The following CORO2A variants were observed in gnomAD, a reference collection of about 807,000 sequenced individuals.
CORO2A encodes coronin-2A.
Under a neutral mutation model 62.4 loss-of-function variants are expected in CORO2A, and 47 were observed. That is an observed-to-expected ratio of 0.75 (90% CI 0.60 to 0.96). The LOEUF (loss-of-function observed/expected upper bound fraction) is 0.96, where lower values mean the gene tolerates loss of function less well. Ranked by LOEUF, CORO2A falls within the 40% of genes least tolerant of loss-of-function variation. CORO2A has a pLI of 0.00. For missense variants in CORO2A, 610 were observed against 684.1 expected, an observed-to-expected ratio of 0.89 and a Z score of 1.21; for synonymous variants, 273 against 268.9, an observed-to-expected ratio of 1.02 and a Z score of -0.15.
chr9:98,141,083 A>G (rs1827558651), intron 2 of CORO2A, among the ~76,000 whole-genome samples: 3 of 152,178 alleles, frequency 2.0e-5, no homozygotes, highest in Non-Finnish European at 2.9e-5. Context: ...AAAACAAAAA[A>G]TTATACACAC....
Position 98,157,545 on chromosome 9 carries a change from T to A in CORO2A, c.116A>T (p.His39Leu), listed in dbSNP as rs1827821259. Residue 39 changes from histidine to leucine, a missense_variant, in exon 2 of 12, where the codon CAC becomes CTC. His to Leu is a moderately conservative substitution (Grantham distance 99). Coordinates refer to ENST00000375077, the MANE Select transcript of CORO2A (RefSeq NM_052820.4). ...VPITRSVHDN[H>L]FCAVNPHFIA... ...GAAGTGGGGGTTCACGGCACAGAAG[T>A]GGTTGTCGTGAACGCTGCGGGTGAT... 2 of 1,613,938 alleles carry A rather than the reference T, an allele frequency of 1.2e-6. No homozygotes were observed. Among genetic ancestry groups the A allele is most frequent in the Non-Finnish European group, 8.5e-7 (1 of 1,180,028 alleles).
chr9:98,126,549 C>T lies in CORO2A; in HGVS notation c.1446G>A (p.Glu482=). The T allele has an allele frequency of 1.2e-6, 2 of 1,612,956 alleles. No homozygotes were observed. The highest frequency in any genetic ancestry group is 1.7e-6 in the Non-Finnish European group (2 of 1,179,032). Residue 482 remains glutamate (E), a splice_region_variant and synonymous_variant, in exon 11 of 12, where the codon GAG becomes GAA. Transcript: ENST00000375077. ...AGGCCCACCCCGTCCTCCTTCACAC[C>T]TCATTCTCTGTCTTTGGTGGGGGGC... The part of the protein sequence containing the change: ...FECPPPKTEN[E]LLQMFYRQQE...
intron 1 of CORO2A, among the ~76,000 whole-genome samples, chr9:98,191,763 C>A (rs1828308157): frequency 6.6e-6 from 1 of 152,200 alleles, no homozygotes; most frequent in East Asian, 1.9e-4. Context: ...GGCACTGTCA[C>A]CCCTCTGAGG....
intron 3 of CORO2A, among the ~76,000 whole-genome samples, chr9:98,135,991 G>A (rs1483135643): frequency 1.3e-5 from 2 of 152,148 alleles, no homozygotes; most frequent in South Asian, 4.1e-4. Context: ...AGGAGCAACC[G>A]TGCCCTCCAG....
chr9:98,141,646 G>A (rs976387729), intron 2 of CORO2A, among the ~76,000 whole-genome samples: 50 of 152,160 alleles, frequency 3.3e-4, no homozygotes, highest in Non-Finnish European at 5.9e-4. Flanking sequence ...GAGCCACTGC[G>A]CCCAGCTGCC....
rs556309483 is a variant in CORO2A, at chr9:98,186,708, T to G, written c.-1+5851A>C. Among the ~76,000 whole-genome samples, 3 of 152,326 alleles carry G rather than the reference T, an allele frequency of 2.0e-5. No homozygotes were observed. The East Asian group carries it at 5.8e-4, about 29-fold the overall frequency. On this transcript the variant is annotated intron_variant, in intron 1 of 11. Coordinates refer to ENST00000375077, the MANE Select transcript of CORO2A (RefSeq NM_052820.4). Reference sequence around the variant, plus strand: ...ACGGGAGAAATAATAACAAACAGTATGTACCCTATAGGTTGTTATGGGGAT... The same window carrying G: ...ACGGGAGAAATAATAACAAACAGTAGGTACCCTATAGGTTGTTATGGGGAT...
chr9:98,122,881 A>C lies in CORO2A; in HGVS notation c.*1893T>G, dbSNP rs1827261572. 1 of 152,236 alleles carries C rather than the reference A, an allele frequency of 6.6e-6. No homozygotes were observed. The highest frequency in any genetic ancestry group is 1.5e-5 in the Non-Finnish European group (1 of 68,068). The allele number at this position is 152,236 out of a possible 1,614,324, so 9.4% of individuals were successfully genotyped here. On this transcript the variant is annotated 3_prime_UTR_variant, in exon 12 of 12. Transcript: ENST00000375077. Reference sequence around the variant, plus strand: ...TCTGCGTCCCTCCATAAGGGACAGCATCTATCCATATCAGGCTGATTCTGG... The same window carrying C: ...TCTGCGTCCCTCCATAAGGGACAGCCTCTATCCATATCAGGCTGATTCTGG...
chr9:98,157,808 A>G, intron 1 of CORO2A, 148 bp from the exon 2 acceptor site: 1 of 668,242 alleles, frequency 1.5e-6, no homozygotes. Flanking sequence ...AAGGGCAAAC[A>G]AGTGAAAAGA....
Position 98,124,686 on chromosome 9 carries a change from T to C in CORO2A, c.*88A>G, listed in dbSNP as rs1827291408. 7.9e-7 allele frequency: 1 copy of C among 1,265,502 alleles called. No homozygotes were observed. The highest frequency in any genetic ancestry group is 1.5e-5 in the African/African-American group (1 of 66,376). 78.4% of individuals were successfully genotyped at this position (1,265,502 alleles called of 1,614,324 possible). A position where few individuals can be genotyped will look rare whatever the true frequency, so the allele number is the denominator to read the frequency against. On this transcript the variant is annotated 3_prime_UTR_variant, in exon 12 of 12. Transcript: ENST00000375077. ...TGGTAAAAAATATAGAAATAGTGGTTGTCCTTGAGGGGACTTGTGGTTTGG... is the reference window on the plus strand; with the variant it reads ...TGGTAAAAAATATAGAAATAGTGGTCGTCCTTGAGGGGACTTGTGGTTTGG...
intron 1 of CORO2A, among the ~76,000 whole-genome samples, chr9:98,170,278 G>T (rs1227229609): frequency 6.6e-6 from 1 of 152,084 alleles, no homozygotes. Context: ...CCCACCTACA[G>T]CCCTGTGGGT....
intron 2 of CORO2A, among the ~76,000 whole-genome samples, chr9:98,144,970 G>A (rs11794697): frequency 0.078 from 11,897 of 152,216 alleles, 614 homozygotes; most frequent in Non-Finnish European, 0.11. Context: ...GCCCAGAGGA[G>A]GCTGGGATTG....
Position 98,128,588 on chromosome 9 carries a change from C to T in CORO2A, c.1080+19G>A, listed in dbSNP as rs991541258. ...ACAGGTTCCCCACCTGCCTCCCATG[C>T]GGTCCCGACTGCCCTTACCCGCCGG... On this transcript the variant is annotated intron_variant, in intron 9 of 11. Transcript: ENST00000375077. The T allele has an allele frequency of 1.7e-5, 27 of 1,605,078 alleles. No homozygotes were observed. The highest frequency in any genetic ancestry group is 2.2e-5 in the South Asian group (2 of 90,898).
At chr9:98,165,010 C>T (rs999140285) in intron 1 of CORO2A, among the ~76,000 whole-genome samples, 2 of 152,100 alleles carry the variant, frequency 1.3e-5, no homozygotes, top group African/African-American at 4.8e-5. Flanking sequence ...ACTTTGCTAC[C>T]CAGGCTGGAG....
chr9:98,184,572 C>T (rs988832871), intron 1 of CORO2A, among the ~76,000 whole-genome samples: 3 of 152,132 alleles, frequency 2.0e-5, no homozygotes, highest in African/African-American at 7.2e-5. Context: ...ACAGTGCTCC[C>T]GTCCTCTATC....
intron 1 of CORO2A, among the ~76,000 whole-genome samples, chr9:98,176,553 C>CAG (rs1828111207): frequency 6.6e-6 from 1 of 152,194 alleles, no homozygotes; most frequent in African/African-American, 2.4e-5. Context: ...GACAGCCTTC[C>CAG]AGAGATTGAA....
intron 1 of CORO2A, among the ~76,000 whole-genome samples, chr9:98,185,162 A>G (rs1828222990): frequency 6.6e-6 from 1 of 151,118 alleles, no homozygotes. Flanking sequence ...GCCTTCCATG[A>G]CCCCCCACTT....
intron 1 of CORO2A, among the ~76,000 whole-genome samples, chr9:98,189,887 AT>A (rs950543958): frequency 1.9e-3 from 166 of 89,716 alleles, no homozygotes; most frequent in Non-Finnish European, 1.5e-3. Flanking sequence ...CAACTCCTTT[AT>A]TTTTTTTTTT....
chr9:98,126,316 G>A (rs1265928832), intron 11 of CORO2A, among the ~76,000 whole-genome samples: 1 of 152,114 alleles, frequency 6.6e-6, no homozygotes. Context: ...TTACAAGAGT[G>A]AGCCACTGTG....
At chr9:98,152,136 T>TG (rs1554744728) in intron 2 of CORO2A, among the ~76,000 whole-genome samples, 5 of 144,900 alleles carry the variant, frequency 3.5e-5, no homozygotes, top group South Asian at 2.1e-4. Flanking sequence ...GTTTTTTTTT[T>TG]TTGTTTTTTC....
Sources: allele counts gnomAD v4.1 joint callset (sites outside exome capture counted in the v4.1 genomes callset), GRCh38; gene constraint gnomAD v4.1.1; transcripts MANE v1.5; gene names NCBI Gene and HGNC (gene_info 2026-07-23, HGNC 2026-07-21).